The following LDB2 variants were observed in gnomAD, a reference collection of about 807,000 sequenced individuals.
The protein encoded by LDB2 is LIM domain binding 2.
Under a neutral mutation model 44.3 loss-of-function variants are expected in LDB2, and 12 were observed. That is an observed-to-expected ratio of 0.27 (90% CI 0.17 to 0.44). LDB2 has a LOEUF of 0.44. Among genes scored for constraint, LDB2 ranks in the 20% least tolerant of loss-of-function variants. LDB2 has a pLI of 1.00. For missense variants in LDB2, 344 were observed against 473.5 expected (o/e 0.73, Z 2.54); for synonymous variants, 164 against 174.8 (o/e 0.94, Z 0.49).
At chr4:16,723,210 G>T (rs1484251999) in intron 2 of LDB2, among the ~76,000 whole-genome samples, 1 of 125,096 alleles carries the variant, frequency 8.0e-6, no homozygotes, top group African/African-American at 2.9e-5. Flanking sequence ...GGTTTTTGTT[G>T]CTGTAACAGA....
At chr4:16,891,868 C>T (rs1723506262) in intron 1 of LDB2, among the ~76,000 whole-genome samples, 1 of 152,126 alleles carries the variant, frequency 6.6e-6, no homozygotes, top group Admixed American at 6.5e-5. Context: ...AGATTCCTAG[C>T]TCATGTTTCC....
At chr4:16,771,628 A>G (rs1313725291) in intron 1 of LDB2, among the ~76,000 whole-genome samples, 2 of 152,136 alleles carry the variant, frequency 1.3e-5, no homozygotes, top group African/African-American at 4.8e-5. Flanking sequence ...TTAGGCCAGC[A>G]TTTGAGAACA....
intron 5 of LDB2, among the ~76,000 whole-genome samples, chr4:16,575,769 G>A (rs1006362623): frequency 2.6e-5 from 4 of 152,196 alleles, no homozygotes; most frequent in Non-Finnish European, 4.4e-5. Context: ...ACGGAGTCTC[G>A]CTCTGTTGCC....
Position 16,645,543 on chromosome 4 carries a change from CAAAAAAAAAAA to C in LDB2, c.236-49679_236-49669del, listed in dbSNP as rs34869059. 2.6e-4 allele frequency among the ~76,000 whole-genome samples: 22 copies of C among 85,492 alleles called. No individual in the cohort carries two copies. The South Asian group carries it at 7.8e-3, about 30-fold the overall frequency. 56.1% of individuals were successfully genotyped at this position (85,492 alleles called of 152,430 possible). ...TGGGCGACAGAGCGAGACTCCGTCTCAAAAAAAAAAAAAAAAAAAAAGGATTGGTTAGGTAG... is the reference window on the plus strand; with the variant it reads ...TGGGCGACAGAGCGAGACTCCGTCTCAAAAAAAAAAGGATTGGTTAGGTAG... On this transcript the variant is annotated intron_variant, in intron 2 of 7. Coordinates refer to ENST00000304523, the MANE Select transcript of LDB2 (RefSeq NM_001290.5).
At chr4:16,575,373 C>G (rs550059672) in intron 5 of LDB2, among the ~76,000 whole-genome samples, 2 of 152,224 alleles carry the variant, frequency 1.3e-5, no homozygotes, top group East Asian at 3.9e-4. Context: ...AATAACACCC[C>G]ACTTTCAGCA....
chr4:16,678,616 A>G (rs1274490210), intron 2 of LDB2, among the ~76,000 whole-genome samples: 2 of 152,200 alleles, frequency 1.3e-5, no homozygotes, highest in African/African-American at 4.8e-5. Flanking sequence ...TATTTGATAA[A>G]TTCTAGAGGA....
intron 1 of LDB2, among the ~76,000 whole-genome samples, chr4:16,861,113 C>G (rs528965231): frequency 6.6e-6 from 1 of 152,084 alleles, no homozygotes; most frequent in African/African-American, 2.4e-5. Flanking sequence ...ATCATTGGAA[C>G]GTTCATAAAA....
chr4:16,565,959 T>C (rs1229242910), intron 5 of LDB2, among the ~76,000 whole-genome samples: 1 of 149,308 alleles, frequency 6.7e-6, no homozygotes, highest in African/African-American at 2.6e-5. Flanking sequence ...CACACACACA[T>C]GTATCTATAC....
At chr4:16,784,667 C>T (rs1229976775) in intron 1 of LDB2, among the ~76,000 whole-genome samples, 1 of 152,172 alleles carries the variant, frequency 6.6e-6, no homozygotes, top group East Asian at 1.9e-4. Context: ...GAGTGGAATC[C>T]TTTATCTGGA....
intron 5 of LDB2, among the ~76,000 whole-genome samples, chr4:16,555,627 T>G (rs942329875): frequency 1.3e-5 from 2 of 152,168 alleles, no homozygotes; most frequent in Non-Finnish European, 2.9e-5. Flanking sequence ...ATGCGAAACT[T>G]CTATTCACTG....
intron 2 of LDB2, among the ~76,000 whole-genome samples, chr4:16,704,106 G>T (rs753391601): frequency 1.2e-4 from 19 of 152,084 alleles, no homozygotes; most frequent in Admixed American, 2.6e-4. Flanking sequence ...CTGAAAAAAA[G>T]GCACTCATTC....
At chr4:16,629,196 G>C (rs58324652) in intron 2 of LDB2, among the ~76,000 whole-genome samples, 6,376 of 152,248 alleles carry the variant, frequency 0.042, 249 homozygotes, top group East Asian at 0.21. Context: ...TGGGGGCAGG[G>C]CATATCAGAA....
intron 1 of LDB2, among the ~76,000 whole-genome samples, chr4:16,879,316 T>G (rs1719357713): frequency 6.6e-6 from 1 of 152,192 alleles, no homozygotes; most frequent in Non-Finnish European, 1.5e-5. Context: ...ATTTTATGTG[T>G]CAACTTGACT....
In LDB2 at chr4:16,625,055, C is replaced by T. The variant is rs535851189; in HGVS notation, c.236-29180G>A. ...GGTCGGGACTCCTTAATGTGACTTG[C>T]AAGGATCTTTCATGACCTGATCCCC... is the stretch of plus-strand genomic sequence containing the variant. On this transcript the variant is annotated intron_variant, in intron 2 of 7. Coordinates refer to ENST00000304523, the MANE Select transcript of LDB2 (RefSeq NM_001290.5). Among the ~76,000 whole-genome samples the T allele has an allele frequency of 3.0e-4, 46 of 152,210 alleles. No homozygotes were observed. In the South Asian group the frequency reaches 9.3e-3, roughly 31 times the overall value.
chr4:16,779,379 G>A (rs958707199), intron 1 of LDB2, among the ~76,000 whole-genome samples: 8 of 152,228 alleles, frequency 5.3e-5, no homozygotes, highest in African/African-American at 1.9e-4. Flanking sequence ...GTGCGCTTTC[G>A]AAGCATGCAT....
chr4:16,628,190 C>T (rs1730835984), intron 2 of LDB2, among the ~76,000 whole-genome samples: 1 of 152,190 alleles, frequency 6.6e-6, no homozygotes, highest in Non-Finnish European at 1.5e-5. Context: ...CTTGTAAACT[C>T]TGTGTGAATC....
At chr4:16,571,624 C>T (rs1746567162) in intron 5 of LDB2, among the ~76,000 whole-genome samples, 1 of 152,088 alleles carries the variant, frequency 6.6e-6, no homozygotes, top group African/African-American at 2.4e-5. Flanking sequence ...TAGATGAGTC[C>T]CAGGACCTTT....
chr4:16,543,654 A>G (rs1462177535), intron 5 of LDB2, among the ~76,000 whole-genome samples: 1 of 152,238 alleles, frequency 6.6e-6, no homozygotes, highest in East Asian at 1.9e-4. Flanking sequence ...CTAAAACCAT[A>G]AAAACCCTAG....
At chr4:16,887,699 G>GA (rs138636395) in intron 1 of LDB2, among the ~76,000 whole-genome samples, 9,453 of 147,774 alleles carry the variant, frequency 0.064, 416 homozygotes, top group African/African-American at 0.11. Context: ...AAAAGGAAAA[G>GA]AAAAAAAAAG....
Sources: gnomAD v4.1 joint callset for allele counts (sites outside exome capture counted in the v4.1 genomes callset) on GRCh38, gnomAD v4.1.1 for gene constraint, MANE v1.5 for transcripts, NCBI Gene and HGNC (gene_info 2026-07-23, HGNC 2026-07-21) for gene names.